PAAF1: variants seen among roughly 807,000 people sequenced by gnomAD.
The protein encoded by PAAF1 is proteasomal ATPase associated factor 1.
In PAAF1, 46 loss-of-function variants were observed where a neutral mutation model predicts 52.8. The observed-to-expected ratio is 0.87, with a 90% confidence interval of 0.69 to 1.11. The LOEUF is 1.11. Ranked by LOEUF, PAAF1 falls within the 50% of genes most tolerant of loss-of-function variation. The pLI is 0.00. For missense variants in PAAF1, 424 were observed against 477.4 expected, an observed-to-expected ratio of 0.89 and a Z score of 1.04; for synonymous variants, 178 against 172.8, an observed-to-expected ratio of 1.03 and a Z score of -0.24.
chr11:73,924,751 C>A, intron 11 of PAAF1, 54 bp downstream of exon 11: 1 of 1,402,914 alleles, frequency 7.1e-7, no homozygotes, highest in Non-Finnish European at 1.0e-6. Flanking sequence ...AGATCTAGGG[C>A]TTTTATGAGA....
chr11:73,904,874 A>T (rs1310167476), intron 6 of PAAF1, among the ~76,000 whole-genome samples: 1 of 152,124 alleles, frequency 6.6e-6, no homozygotes, highest in Non-Finnish European at 1.5e-5. Context: ...CTCGTATGTG[A>T]TTCTGCTGAA....
intron 4 of PAAF1, among the ~76,000 whole-genome samples, chr11:73,891,702 G>C (rs1949206919): frequency 1.3e-5 from 2 of 152,162 alleles, no homozygotes; most frequent in African/African-American, 4.8e-5. Flanking sequence ...TTGAGCCCAG[G>C]AGTTGGAGGC....
At chr11:73,913,573 C>T (rs1029745133) in intron 7 of PAAF1, among the ~76,000 whole-genome samples, 1 of 151,580 alleles carries the variant, frequency 6.6e-6, no homozygotes, top group Non-Finnish European at 1.5e-5. Flanking sequence ...TGAAAGTATC[C>T]TACTTGTTTA....
chr11:73,890,747 T>C (rs995583780), intron 3 of PAAF1, among the ~76,000 whole-genome samples: 2 of 152,258 alleles, frequency 1.3e-5, no homozygotes, highest in African/African-American at 4.8e-5. Flanking sequence ...CTCTTCGCAC[T>C]GATCCTGTTC....
At chr11:73,906,585 GAA>G (rs1160374493) in intron 6 of PAAF1, among the ~76,000 whole-genome samples, 1 of 152,114 alleles carries the variant, frequency 6.6e-6, no homozygotes, top group Non-Finnish European at 1.5e-5. Context: ...GGATCTATTT[GAA>G]AAGTTACACT....
At chr11:73,926,671 T>C (rs1341571662) in intron 11 of PAAF1, among the ~76,000 whole-genome samples, 2 of 152,270 alleles carry the variant, frequency 1.3e-5, no homozygotes, top group East Asian at 3.9e-4. Flanking sequence ...ATGGCGTCAC[T>C]GCACTCCAGC....
intron 2 of PAAF1, among the ~76,000 whole-genome samples, chr11:73,881,769 C>T (rs532706321): frequency 6.6e-6 from 1 of 151,874 alleles, no homozygotes; most frequent in Admixed American, 6.6e-5. Context: ...TGCAGTGGTG[C>T]AATCTTGGCT....
intron 6 of PAAF1, among the ~76,000 whole-genome samples, chr11:73,900,692 T>C (rs1445824133): frequency 6.6e-6 from 1 of 151,686 alleles, no homozygotes; most frequent in Non-Finnish European, 1.5e-5. Flanking sequence ...GCTTTAAAAG[T>C]TGTTTTCTGG....
In PAAF1 at chr11:73,899,245, G is replaced by A; in HGVS notation, c.381+1G>A. On this transcript the variant is annotated splice_donor_variant, in intron 5 of 11. Transcript: ENST00000310571. LOFTEE classifies it high-confidence loss of function. ...GCAGGCTTCCAATGGAGAACTCAGG[G>A]TAAAGGATTTGGATGTACTTTTAGG... 7.4e-6 allele frequency: 12 copies of A among 1,612,656 alleles called. No homozygotes were observed. Among genetic ancestry groups the A allele is most frequent in the Non-Finnish European group, 1.0e-5 (12 of 1,178,788 alleles).
At chr11:73,891,056 T>G (rs112321955) in intron 3 of PAAF1, 56 bp from the exon 4 acceptor site, 2 of 1,032,616 alleles carry the variant, frequency 1.9e-6, no homozygotes, top group East Asian at 4.8e-5. Flanking sequence ...GAGGCTTTAA[T>G]TATAATACAT....
chr11:73,921,846 T>A, intron 10 of PAAF1: 1 of 1,115,938 alleles, frequency 9.0e-7, no homozygotes, highest in Non-Finnish European at 1.3e-6. Context: ...TGGGATACAT[T>A]GCATTAAGTG....
At position 73,909,387 on chromosome 11, in the gene PAAF1, T is replaced by C; in HGVS notation, c.533-12T>C. On this transcript the variant is annotated splice_polypyrimidine_tract_variant and intron_variant, in intron 6 of 11. Coordinates refer to ENST00000310571, the MANE Select transcript of PAAF1 (RefSeq NM_025155.3). ...CCATCCTCCATCTTAGGGAGTTTTT[T>C]TCTCTTGCTAGGTATCCTGGATACA... 1 of 1,613,164 alleles carries C rather than the reference T, an allele frequency of 6.2e-7. No individual in the cohort carries two copies. The highest frequency in any genetic ancestry group is 1.1e-5 in the South Asian group (1 of 91,056).
intron 4 of PAAF1, among the ~76,000 whole-genome samples, chr11:73,892,727 TC>T (rs1949232144): frequency 6.6e-6 from 1 of 152,228 alleles, no homozygotes; most frequent in South Asian, 2.1e-4. Flanking sequence ...TGGTGCAGTC[TC>T]GGCTCACTGC....
chr11:73,889,447 C>G (rs909288333), intron 3 of PAAF1, among the ~76,000 whole-genome samples: 1 of 152,200 alleles, frequency 6.6e-6, no homozygotes, highest in Admixed American at 6.5e-5. Flanking sequence ...TTTGTCTGTT[C>G]TGATCTCTCT....
Position 73,927,238 on chromosome 11 carries a change from T to C in PAAF1, c.1102-47T>C, listed in dbSNP as rs756456740. 2.8e-6 allele frequency: 4 copies of C among 1,447,834 alleles called. No homozygotes were observed. The East Asian group carries it at 9.1e-5, about 33-fold the overall frequency. 89.7% of individuals were successfully genotyped at this position (1,447,834 alleles called of 1,614,324 possible). ...ATCATAAGCCTCCATCTTTTTGAAA[T>C]GGAAGAATCCCAGGCTTCCTTTGAA... On this transcript the variant is annotated intron_variant, in intron 11 of 11. Coordinates refer to ENST00000310571, the MANE Select transcript of PAAF1 (RefSeq NM_025155.3).
At chr11:73,904,602 G>A (rs143228880) in intron 6 of PAAF1, among the ~76,000 whole-genome samples, 153 of 152,068 alleles carry the variant, frequency 1.0e-3, no homozygotes, top group Middle Eastern at 3.4e-3. Context: ...TGGCTATGCC[G>A]CCTCCAAGTA....
intron 2 of PAAF1, among the ~76,000 whole-genome samples, chr11:73,884,453 C>A (rs944454447): frequency 5.3e-5 from 8 of 152,138 alleles, no homozygotes; most frequent in African/African-American, 1.7e-4. Flanking sequence ...CATGATCATA[C>A]CACTGCACTC....
At chr11:73,890,900 C>T (rs186706660) in intron 3 of PAAF1, among the ~76,000 whole-genome samples, 198 of 152,194 alleles carry the variant, frequency 1.3e-3, no homozygotes, top group Admixed American at 6.4e-3. Flanking sequence ...GGCATCTTAG[C>T]AATACCAAAT....
chr11:73,907,757 C>G (rs900282807), intron 6 of PAAF1, among the ~76,000 whole-genome samples: 1 of 152,146 alleles, frequency 6.6e-6, no homozygotes, highest in Non-Finnish European at 1.5e-5. Flanking sequence ...GGGGAAGTAA[C>G]AGTTTTTCTG....
Sources: gnomAD v4.1 joint callset for allele counts (sites outside exome capture counted in the v4.1 genomes callset) on GRCh38, gnomAD v4.1.1 for gene constraint, MANE v1.5 for transcripts, NCBI Gene and HGNC (gene_info 2026-07-23, HGNC 2026-07-21) for gene names.